Variants in ATP9B observed in about 807,000 individuals in gnomAD.
ATP9B encodes probable phospholipid-transporting ATPase IIB.
Under a neutral mutation model 146.1 loss-of-function variants are expected in ATP9B, and 110 were observed. That is an observed-to-expected ratio of 0.75 (90% CI 0.65 to 0.88). ATP9B has a LOEUF of 0.88. ATP9B is among the 40% of genes least tolerant of loss of function. The pLI, the probability that ATP9B is intolerant of heterozygous loss-of-function variation, is 0.00. For missense variants in ATP9B, 1,499 were observed against 1,496.4 expected (o/e 1.00, Z -0.03); for synonymous variants, 604 against 569.7 (o/e 1.06, Z -0.86).
intron 20 of ATP9B, among the ~76,000 whole-genome samples, chr18:79,343,230 C>CA (rs1459097152): frequency 6.6e-6 from 1 of 152,170 alleles, no homozygotes; most frequent in Admixed American, 6.5e-5. Flanking sequence ...AACTTCAGAT[C>CA]AATTTTTGTT....
intron 12 of ATP9B, among the ~76,000 whole-genome samples, chr18:79,265,237 G>T (rs908131532): frequency 6.6e-6 from 1 of 152,162 alleles, no homozygotes; most frequent in Non-Finnish European, 1.5e-5. Context: ...CCATGTTCCT[G>T]CGAAGGACAT....
At chr18:79,080,846 A>G (rs2073171101) in intron 1 of ATP9B, among the ~76,000 whole-genome samples, 1 of 152,202 alleles carries the variant, frequency 6.6e-6, no homozygotes, top group Non-Finnish European at 1.5e-5. Flanking sequence ...TTTGAATTTT[A>G]TCAAAGGCCT....
intron 3 of ATP9B, among the ~76,000 whole-genome samples, chr18:79,111,690 A>G (rs1368957463): frequency 6.6e-6 from 1 of 152,230 alleles, no homozygotes; most frequent in African/African-American, 2.4e-5. Context: ...TATTGATTGC[A>G]GTCGTTTAAA....
intron 15 of ATP9B, among the ~76,000 whole-genome samples, chr18:79,308,319 G>T (rs879405312): frequency 2.6e-5 from 4 of 152,146 alleles, no homozygotes; most frequent in African/African-American, 9.7e-5. Flanking sequence ...TGCCCCGCCC[G>T]AGAGACATGA....
intron 15 of ATP9B, 30 bp downstream of exon 15, chr18:79,307,264 T>C (rs1249636490): frequency 6.2e-7 from 1 of 1,613,184 alleles, no homozygotes; most frequent in East Asian, 2.2e-5. Context: ...CGTGGGAGCT[T>C]GTCCGTTCCA....
At chr18:79,288,817 C>T (rs1239196795) in intron 13 of ATP9B, among the ~76,000 whole-genome samples, 1 of 152,112 alleles carries the variant, frequency 6.6e-6, no homozygotes, top group East Asian at 1.9e-4. Flanking sequence ...CTGGTGGTGA[C>T]AAAATCTCTC....
At chr18:79,182,108 A>G (rs1196854755) in intron 8 of ATP9B, among the ~76,000 whole-genome samples, 2 of 152,204 alleles carry the variant, frequency 1.3e-5, no homozygotes, top group African/African-American at 4.8e-5. Flanking sequence ...ACTTTGTTAC[A>G]GGCCTAGAGG....
intron 25 of ATP9B, among the ~76,000 whole-genome samples, chr18:79,354,957 C>A (rs2096942774): frequency 1.3e-5 from 2 of 152,200 alleles, no homozygotes; most frequent in South Asian, 4.1e-4. Flanking sequence ...GTGCCCACCT[C>A]CCCCTCCCCA....
At chr18:79,217,378 G>A (rs559369001) in intron 11 of ATP9B, among the ~76,000 whole-genome samples, 1 of 152,174 alleles carries the variant, frequency 6.6e-6, no homozygotes, top group South Asian at 2.1e-4. Flanking sequence ...TAGAGACAGG[G>A]TTTCACCTTG....
At chr18:79,327,141 G>A (rs1825312502) in intron 15 of ATP9B, among the ~76,000 whole-genome samples, 2 of 152,236 alleles carry the variant, frequency 1.3e-5, no homozygotes, top group African/African-American at 4.8e-5. Context: ...AATATCCTGT[G>A]CACTAGACAA....
rs368245264 is a variant in ATP9B at position 79,342,386 on chromosome 18, A to G, written c.2382+20A>G. The G allele has an allele frequency of 1.2e-5, 18 of 1,542,270 alleles. No individual in the cohort carries two copies. ...AGACAGGTAAGTATGTATCTTAATC[A>G]CTTTGAATTTTTAAACATTTGTCTC... On this transcript the variant is annotated intron_variant, in intron 20 of 29. Coordinates refer to ENST00000426216, the MANE Select transcript of ATP9B (RefSeq NM_198531.5).
chr18:79,154,427 T>A, intron 6 of ATP9B, 77 bp from the exon 7 acceptor site: 1 of 1,011,478 alleles, frequency 9.9e-7, no homozygotes. Context: ...TTCATAGGTA[T>A]TTCTTATTTG....
At chr18:79,223,154 A>G (rs2095696979) in intron 11 of ATP9B, among the ~76,000 whole-genome samples, 2 of 152,340 alleles carry the variant, frequency 1.3e-5, no homozygotes, top group Admixed American at 1.3e-4. Flanking sequence ...GGTGCTTGTT[A>G]TCTGAATAGT....
At chr18:79,345,403 A>G in intron 21 of ATP9B, 25 bp from the exon 22 acceptor site, 2 of 1,610,958 alleles carry the variant, frequency 1.2e-6, no homozygotes, top group Non-Finnish European at 8.5e-7. Context: ...CCATAAGGCA[A>G]AATAACACAG....
intron 13 of ATP9B, among the ~76,000 whole-genome samples, chr18:79,289,934 G>C (rs1035924648): frequency 1.3e-5 from 2 of 152,158 alleles, no homozygotes; most frequent in African/African-American, 4.8e-5. Flanking sequence ...GCGGATTTTC[G>C]TGAATCGCGA....
chr18:79,214,747 A>T (rs1291316108), intron 11 of ATP9B, among the ~76,000 whole-genome samples: 1 of 152,224 alleles, frequency 6.6e-6, no homozygotes, highest in Non-Finnish European at 1.5e-5. Flanking sequence ...GAAACAAAAA[A>T]TCCTCACATG....
At chr18:79,079,038 C>T (rs2072955219) in intron 1 of ATP9B, among the ~76,000 whole-genome samples, 1 of 152,184 alleles carries the variant, frequency 6.6e-6, no homozygotes, top group Non-Finnish European at 1.5e-5. Context: ...ATTTGTGCCA[C>T]ATTTTCTTTA....
chr18:79,219,904 G>C (rs1251914898), intron 11 of ATP9B, among the ~76,000 whole-genome samples: 1 of 152,168 alleles, frequency 6.6e-6, no homozygotes, highest in African/African-American at 2.4e-5. Context: ...TCAAGAAGAC[G>C]AGAGCCTAAC....
In ATP9B at chr18:79,348,248, GAAAAAAAAAAA is replaced by G. The variant is rs56654324; in HGVS notation, c.2903+63_2903+73del. 2.4e-6 allele frequency: 2 copies of G among 822,218 alleles called. 1 individual carries two copies. Among genetic ancestry groups the G allele is most frequent in the Non-Finnish European group, 3.7e-6 (2 of 536,206 alleles). 50.9% of individuals were successfully genotyped at this position (822,218 alleles called of 1,614,324 possible). On this transcript the variant is annotated intron_variant, in intron 25 of 29. Transcript: ENST00000426216. ...TCATCCAGGGGAGGACTTCTATTTT[GAAAAAAAAAAA>G]AAAAAAAAAACAAAAAACGTATATA...
Sources: gnomAD v4.1 joint callset for allele counts (sites outside exome capture counted in the v4.1 genomes callset) on GRCh38, gnomAD v4.1.1 for gene constraint, MANE v1.5 for transcripts, NCBI Gene and HGNC (gene_info 2026-07-23, HGNC 2026-07-21) for gene names.